Variants in COL18A1 observed in about 807,000 individuals in gnomAD.
COL18A1 encodes collagen alpha-1(XVIII) chain.
Under a neutral mutation model 168.0 loss-of-function variants are expected in COL18A1, and 133 were observed. The ratio of observed to expected loss-of-function variants is 0.79; its 90% CI spans 0.69 to 0.91. The LOEUF (loss-of-function observed/expected upper bound fraction) is 0.91. COL18A1 is among the 40% of genes least tolerant of loss of function. COL18A1 has a pLI of 0.00. For missense variants in COL18A1, 2,126 were observed against 1,925.4 expected, an observed-to-expected ratio of 1.10 and a Z score of -1.95; for synonymous variants, 949 against 809.0, an observed-to-expected ratio of 1.17 and a Z score of -2.94.
Position 45,510,045 on chromosome 21 carries a change from C to T in COL18A1, c.3496-19C>T, listed in dbSNP as rs375225598. On this transcript the variant is annotated intron_variant, in intron 39 of 41. Transcript: ENST00000651438. ...GGGCAGCGTGGGACACAGCCCGTGA[C>T]GCGCCCCTCTCCCCGCAGCTCCACC... 60 of 1,543,328 alleles carry T rather than the reference C, an allele frequency of 3.9e-5. No homozygotes were observed. Among genetic ancestry groups the T allele is most frequent in the African/African-American group, 9.6e-5 (7 of 73,196 alleles).
At chr21:45,495,658 G>A in intron 29 of COL18A1, 1 of 550,112 alleles carries the variant, frequency 1.8e-6, no homozygotes, top group African/African-American at 1.9e-5. Flanking sequence ...ACTCATACAT[G>A]TGTGCACATA....
At chr21:45,424,565 AC>A (rs889564604) in intron 2 of COL18A1, 1 of 152,306 alleles carries the variant, frequency 6.6e-6, no homozygotes, top group African/African-American at 2.4e-5. Flanking sequence ...CCTGCGGCCC[AC>A]CTGACCAGTG....
chr21:45,415,521 C>T (rs1000205161), intron 2 of COL18A1, among the ~76,000 whole-genome samples: 5 of 152,148 alleles, frequency 3.3e-5, no homozygotes, highest in East Asian at 1.9e-4. Flanking sequence ...GGCGGCGGAG[C>T]GGGGCTGTGA....
At position 45,486,963 on chromosome 21, in the gene COL18A1, C is replaced by A; in HGVS notation, c.1804C>A (p.Pro602Thr). ...ACCAGGCCCCCCTGGGCCCCCTGGG[C>A]CCCCAGGACCAGGACTCCCCGCTGG... ...GPPGPPGPPGPPGPGLPAGFD... is the reference protein window; with the variant it reads ...GPPGPPGPPGTPGPGLPAGFD... The change falls in exon 16 of 42, where the codon CCC becomes ACC. Residue 602 changes from proline (P) to threonine (T), a missense_variant. By Grantham distance (38) the Pro-to-Thr change is conservative. Transcript: ENST00000651438. 6.6e-7 allele frequency: 1 copy of A among 1,505,142 alleles called. No homozygotes were observed. Among genetic ancestry groups the A allele is most frequent in the Non-Finnish European group, 8.8e-7 (1 of 1,131,610 alleles). 93.2% of individuals were successfully genotyped at this position (1,505,142 alleles called of 1,614,324 possible).
At chr21:45,470,062 C>T (rs73386869) in intron 3 of COL18A1, among the ~76,000 whole-genome samples, 1,850 of 152,346 alleles carry the variant, frequency 0.012, 39 homozygotes, top group African/African-American at 0.042. Flanking sequence ...TTAGGAAAAG[C>T]GGCTGAGTGC....
rs1252280393 is a variant in COL18A1 at position 45,471,642 on chromosome 21, T to C, written c.652-2253T>C. Among the ~76,000 whole-genome samples, 1 of 152,086 alleles carries C rather than the reference T, an allele frequency of 6.6e-6. No homozygotes were observed. The highest frequency in any genetic ancestry group is 1.9e-4 in the East Asian group (1 of 5,184). On this transcript the variant is annotated intron_variant, in intron 3 of 41. Transcript: ENST00000651438. The surrounding 1 kb of genome is among the most constrained non-coding windows in gnomAD (Gnocchi z 4.4). The stretch of plus-strand genomic sequence containing the variant: ...GTCTTTTCAGGTTCACTTTCTTGAG[T>C]CAGGTTTGTCAGTGGTCGTCTCCCG...
At chr21:45,446,136 C>T (rs2034500906) in intron 2 of COL18A1, among the ~76,000 whole-genome samples, 1 of 152,060 alleles carries the variant, frequency 6.6e-6, no homozygotes, top group African/African-American at 2.4e-5. Context: ...CCAGCTTCGC[C>T]CTTTTGCGTG....
At chr21:45,436,578 T>C (rs988087509) in intron 2 of COL18A1, among the ~76,000 whole-genome samples, 5 of 151,582 alleles carry the variant, frequency 3.3e-5, no homozygotes, top group Non-Finnish European at 5.9e-5. Context: ...GGAACTCCCA[T>C]TGGGGAGGGG....
At chr21:45,502,368 T>A (rs1344676081) in intron 32 of COL18A1, 3 of 152,296 alleles carry the variant, frequency 2.0e-5, no homozygotes, top group African/African-American at 7.2e-5. Context: ...GAAGGGGTTT[T>A]GTCATCTCCG....
At chr21:45,475,419 G>T in intron 4 of COL18A1, 57 bp from the exon 5 acceptor site, 1 of 1,489,222 alleles carries the variant, frequency 6.7e-7, no homozygotes, top group Non-Finnish European at 9.2e-7. Context: ...GGCCTGCCGG[G>T]CTCGGGGCCT....
rs142793336 is a variant in COL18A1, at chr21:45,502,121, G to A, written c.2684-1890G>A. ...GTCACCTCCCTCTGCAGAAGGACCC[G>A]GAGCAGGGCCCAGCCCGAGAGGGAG... is the stretch of plus-strand genomic sequence containing the variant. On this transcript the variant is annotated intron_variant, in intron 32 of 41. Coordinates refer to ENST00000651438, the MANE Select transcript of COL18A1 (RefSeq NM_001379500.1). Among the ~76,000 whole-genome samples, 80 of 147,676 alleles carry A rather than the reference G, an allele frequency of 5.4e-4. 1 individual carries two copies. In the East Asian group the frequency reaches 0.012, roughly 22 times the overall value.
intron 2 of COL18A1, among the ~76,000 whole-genome samples, chr21:45,410,877 G>A (rs147032102): frequency 7.2e-5 from 11 of 152,374 alleles, no homozygotes; most frequent in African/African-American, 2.4e-4. Context: ...TCCGGTCCTG[G>A]AGCATGAGGG....
rs1366775703 is a variant in COL18A1, at chr21:45,496,537, G to A, written c.2546G>A (p.Gly849Asp). The change falls in exon 30 of 42, where the codon GGC becomes GAC. Residue 849 changes from glycine (G) to aspartate (D), a missense_variant. Physicochemically the swap from Gly to Asp is moderately conservative, Grantham distance 94. Coordinates refer to ENST00000651438, the MANE Select transcript of COL18A1 (RefSeq NM_001379500.1). The stretch of plus-strand genomic sequence containing the variant: ...CCCCCAGGACCTCCAGGGCCCCCAG[G>A]CCCTCCAGGGACTCCTGTTTACGAC... ...PGPPGPPGPP[G>D]PPGTPVYDSN... 9.1e-6 allele frequency: 14 copies of A among 1,531,372 alleles called. No homozygotes were observed. The highest frequency in any genetic ancestry group is 1.2e-5 in the Non-Finnish European group (13 of 1,105,700). The allele number at this position is 1,531,372 out of a possible 1,614,324, so 94.9% of individuals were successfully genotyped here. A position where few individuals can be genotyped will look rare whatever the true frequency, so the allele number is the denominator to read the frequency against.
chr21:45,502,355 G>A (rs2036912131), intron 32 of COL18A1, among the ~76,000 whole-genome samples: 1 of 152,226 alleles, frequency 6.6e-6, no homozygotes, highest in Non-Finnish European at 1.5e-5. Context: ...CCACCTGGAA[G>A]GAGAAGGGGT....
chr21:45,450,351 G>A (rs542722024), intron 2 of COL18A1, among the ~76,000 whole-genome samples: 1 of 152,298 alleles, frequency 6.6e-6, no homozygotes, highest in Admixed American at 6.5e-5. Flanking sequence ...GGGTCGAGGT[G>A]TGGGAGACCC....
chr21:45,418,896 AC>A (rs2033535875), intron 2 of COL18A1, among the ~76,000 whole-genome samples: 1 of 151,816 alleles, frequency 6.6e-6, no homozygotes, highest in South Asian at 2.1e-4. Flanking sequence ...AACCAGCCAG[AC>A]CCCCCGGACG....
intron 2 of COL18A1, among the ~76,000 whole-genome samples, chr21:45,411,760 G>T (rs1406045832): frequency 7.3e-6 from 1 of 137,244 alleles, no homozygotes; most frequent in Non-Finnish European, 1.6e-5. Flanking sequence ...GGCTGATGGC[G>T]GGGGGTGGGG....
At chr21:45,455,421 A>G in intron 2 of COL18A1, 2 of 1,496,300 alleles carry the variant, frequency 1.3e-6, no homozygotes, top group Non-Finnish European at 1.8e-6. Context: ...ACAGCCGGCC[A>G]GAGGCTGGGA....
intron 31 of COL18A1, 105 bp downstream of exon 31, chr21:45,497,197 A>T: frequency 1.2e-6 from 1 of 812,708 alleles, no homozygotes; most frequent in Non-Finnish European, 2.1e-6. Context: ...CCAGTGGCCC[A>T]AGGCCAGTGC....
Sources: gnomAD v4.1 joint callset for allele counts (sites outside exome capture counted in the v4.1 genomes callset) on GRCh38, gnomAD v4.1.1 for gene constraint, Gnocchi (gnomAD v3.1) non-coding constraint, MANE v1.5 for transcripts, NCBI Gene and HGNC (gene_info 2026-07-23, HGNC 2026-07-21) for gene names.